PRKX: variants seen among roughly 807,000 people sequenced by gnomAD.
PRKX encodes cAMP-dependent protein kinase catalytic subunit PRKX.
PRKX carries 12 observed loss-of-function variants against 22.0 expected under a neutral mutation model. The ratio of observed to expected loss-of-function variants is 0.54; its 90% CI spans 0.35 to 0.88. The LOEUF is 0.88. Among genes scored for constraint, PRKX ranks in the 40% least tolerant of loss-of-function variants. PRKX has a pLI of 0.01. For synonymous variants in PRKX, 134 were observed against 137.7 expected (o/e 0.97, Z 0.19); for missense variants, 217 against 308.0 (o/e 0.70, Z 2.21).
chrX:3,691,656 T>A (rs1819040651), intron 1 of PRKX, among the ~76,000 whole-genome samples: 1 of 111,122 alleles, frequency 9.0e-6, no homozygotes, highest in African/African-American at 3.3e-5. Context: ...TGGCAAGCAG[T>A]GACCCTGGAC....
intron 1 of PRKX, among the ~76,000 whole-genome samples, chrX:3,688,877 A>G (rs1235355758): frequency 3.7e-5 from 4 of 108,804 alleles, no homozygotes; most frequent in Non-Finnish European, 7.6e-5. Context: ...CTGTTTAAAA[A>G]AAAAAAAAAA....
Position 3,713,306 on chromosome X carries a change from C to T in PRKX, c.-53G>A, listed in dbSNP as rs1276039606. Reference sequence around the variant, plus strand: ...GGCCAGGCCGGAGCGCTCGGGGAGCCGGGCTTCCCGGGACGCAGCCTCGGA... The same window carrying T: ...GGCCAGGCCGGAGCGCTCGGGGAGCTGGGCTTCCCGGGACGCAGCCTCGGA... On this transcript the variant is annotated 5_prime_UTR_variant, in exon 1 of 9. Coordinates refer to ENST00000262848, the MANE Select transcript of PRKX (RefSeq NM_005044.5). 1.1e-6 allele frequency: 1 copy of T among 932,956 alleles called. No individual in the cohort carries two copies. The highest frequency in any genetic ancestry group is 1.3e-6 in the Non-Finnish European group (1 of 746,693). The allele number at this position is 932,956 out of a possible 1,213,427, so 76.9% of individuals were successfully genotyped here.
chrX:3,662,767 G>C (rs779885208), intron 2 of PRKX, among the ~76,000 whole-genome samples: 2 of 106,274 alleles, frequency 1.9e-5, no homozygotes, highest in African/African-American at 6.9e-5. Flanking sequence ...ATCTACTTGA[G>C]AGACAGAGGT....
At chrX:3,640,294 G>A (rs763047867) in intron 4 of PRKX, among the ~76,000 whole-genome samples, 4 of 110,790 alleles carry the variant, frequency 3.6e-5, no homozygotes, top group Non-Finnish European at 7.6e-5. Context: ...GCTTCCTCTC[G>A]TCTTCATCCC....
intron 2 of PRKX, among the ~76,000 whole-genome samples, chrX:3,659,325 C>T (rs1336100021): frequency 9.0e-6 from 1 of 110,586 alleles, no homozygotes; most frequent in South Asian, 3.8e-4. Flanking sequence ...TGACTAATCA[C>T]AATGTTTTTA....
Position 3,607,883 on chromosome X carries a change from T to TTC in PRKX, c.*1085_*1086insGA, listed in dbSNP as rs1926213375. ...AAGCACAAAGCCATTGCCTTCTTTT[T>TTC]TTTTTTTTTTTTTTTTGGACAGGGT... On this transcript the variant is annotated 3_prime_UTR_variant, in exon 9 of 9. Coordinates refer to ENST00000262848, the MANE Select transcript of PRKX (RefSeq NM_005044.5). 1 of 98,216 alleles carries TTC rather than the reference T, an allele frequency of 1.0e-5. No individual in the cohort carries two copies. Among genetic ancestry groups the TTC allele is most frequent in the African/African-American group, 3.8e-5 (1 of 26,664 alleles). 8.1% of individuals were successfully genotyped at this position (98,216 alleles called of 1,213,427 possible).
At chrX:3,654,086 G>T (rs1411398673) in intron 3 of PRKX, among the ~76,000 whole-genome samples, 2 of 83,217 alleles carry the variant, frequency 2.4e-5, no homozygotes, top group African/African-American at 9.8e-5. Context: ...ATATATATAT[G>T]TAGTATGTGT....
chrX:3,678,131 G>A (rs1368879845), intron 1 of PRKX, among the ~76,000 whole-genome samples: 1 of 111,556 alleles, frequency 9.0e-6, no homozygotes, highest in Non-Finnish European at 1.9e-5. Flanking sequence ...AGGAACACTG[G>A]CATCCAACCC....
intron 8 of PRKX, chrX:3,611,014 C>G (rs1212024214): frequency 2.7e-5 from 3 of 111,915 alleles, no homozygotes; most frequent in Non-Finnish European, 5.6e-5. Context: ...AAGTTACACG[C>G]TCTCATGTTA....
At chrX:3,689,870 A>T (rs11152541) in intron 1 of PRKX, among the ~76,000 whole-genome samples, 1 of 109,368 alleles carries the variant, frequency 9.1e-6, no homozygotes, top group Non-Finnish European at 1.9e-5. Context: ...CCAGCTACTC[A>T]GGAGGCTGGG....
At chrX:3,635,170 G>GT (rs1374618568) in intron 4 of PRKX, among the ~76,000 whole-genome samples, 5 of 111,956 alleles carry the variant, frequency 4.5e-5, no homozygotes. Context: ...GCGGACAGCT[G>GT]TAACACACAG....
At chrX:3,700,891 C>A (rs1280616004) in intron 1 of PRKX, among the ~76,000 whole-genome samples, 1 of 111,465 alleles carries the variant, frequency 9.0e-6, no homozygotes, top group Admixed American at 9.6e-5. Flanking sequence ...TGTTCAGCCA[C>A]CAAGCCCAGC....
At chrX:3,694,917 T>C (rs1178782866) in intron 1 of PRKX, among the ~76,000 whole-genome samples, 1 of 111,915 alleles carries the variant, frequency 8.9e-6, no homozygotes, top group African/African-American at 3.2e-5. Flanking sequence ...CCCCAGAGCC[T>C]CCAGAGGGAG....
chrX:3,672,963 T>C (rs1413756254), intron 2 of PRKX, among the ~76,000 whole-genome samples: 2 of 111,304 alleles, frequency 1.8e-5, no homozygotes, highest in Non-Finnish European at 3.8e-5. Flanking sequence ...AATTCCAGCC[T>C]GGGCAAGAAG....
intron 4 of PRKX, among the ~76,000 whole-genome samples, chrX:3,638,868 T>C (rs1926956684): frequency 9.5e-6 from 1 of 105,395 alleles, no homozygotes; most frequent in South Asian, 4.5e-4. Context: ...GATAGGCACA[T>C]AGATAAATAG....
At chrX:3,647,445 T>C (rs920333978) in intron 3 of PRKX, among the ~76,000 whole-genome samples, 1 of 105,846 alleles carries the variant, frequency 9.4e-6, no homozygotes, top group African/African-American at 3.4e-5. Flanking sequence ...AAATTACATA[T>C]TTAATATATA....
intron 1 of PRKX, among the ~76,000 whole-genome samples, chrX:3,689,788 T>A (rs186902454): frequency 8.1e-5 from 9 of 111,471 alleles, no homozygotes; most frequent in Non-Finnish European, 1.9e-5. Context: ...CCATCCTGGC[T>A]AACACGGTGA....
intron 1 of PRKX, among the ~76,000 whole-genome samples, chrX:3,680,511 A>G (rs1219843415): frequency 9.0e-6 from 1 of 111,563 alleles, no homozygotes. Flanking sequence ...CCCAATAAAG[A>G]GCAAACATCA....
chrX:3,639,958 A>G (rs151140441), intron 4 of PRKX, among the ~76,000 whole-genome samples: 12,563 of 110,750 alleles, frequency 0.11, 576 homozygotes, highest in Non-Finnish European at 0.14. Flanking sequence ...GGTGCTCCCC[A>G]CCAGCAGGAC....
Sources: gnomAD v4.1 joint callset for allele counts (sites outside exome capture counted in the v4.1 genomes callset) on GRCh38, gnomAD v4.1.1 for gene constraint, MANE v1.5 for transcripts, NCBI Gene and HGNC (gene_info 2026-07-23, HGNC 2026-07-21) for gene names.